Variants in VWA8 observed in about 807,000 individuals in gnomAD.
VWA8 encodes von Willebrand factor A domain containing 8.
VWA8 carries 221 observed loss-of-function variants against 241.5 expected under a neutral mutation model. The observed-to-expected ratio is 0.91, with a 90% CI of 0.82 to 1.02. The LOEUF (loss-of-function observed/expected upper bound fraction) is 1.02. VWA8 is among the 50% of genes least tolerant of loss of function. VWA8 has a pLI of 0.00. For synonymous variants in VWA8, 852 were observed against 827.1 expected (o/e 1.03, Z -0.52); for missense variants, 2,322 against 2,328.7 (o/e 1.00, Z 0.06).
chr13:41,848,909 G>C (rs1424227941), intron 12 of VWA8, among the ~76,000 whole-genome samples: 1 of 152,164 alleles, frequency 6.6e-6, no homozygotes, highest in Admixed American at 6.5e-5. Context: ...GGCTGGCTAA[G>C]GCTCCTCTTT....
intron 21 of VWA8, among the ~76,000 whole-genome samples, chr13:41,741,085 G>A (rs1421715735): frequency 2.0e-5 from 3 of 152,038 alleles, no homozygotes; most frequent in Non-Finnish European, 4.4e-5. Flanking sequence ...ACTATTTTAC[G>A]TACTTAACAC....
At chr13:41,649,149 A>C (rs770891260) in intron 37 of VWA8, among the ~76,000 whole-genome samples, 20 of 152,222 alleles carry the variant, frequency 1.3e-4, no homozygotes, top group Non-Finnish European at 2.5e-4. Context: ...GCGCCACTGC[A>C]GTCCAGCCTG....
At chr13:41,617,437 T>G (rs1476527093) in intron 37 of VWA8, among the ~76,000 whole-genome samples, 3 of 152,190 alleles carry the variant, frequency 2.0e-5, no homozygotes, top group Admixed American at 6.5e-5. Flanking sequence ...TTTTAAATAA[T>G]AAGAAGATAC....
At chr13:41,821,252 T>C (rs1448776167) in intron 14 of VWA8, among the ~76,000 whole-genome samples, 1 of 152,196 alleles carries the variant, frequency 6.6e-6, no homozygotes, top group Non-Finnish European at 1.5e-5. Context: ...GCAGCGTTCT[T>C]AAGTAAGCTG....
In VWA8 at chr13:41,663,874, TGTATA is replaced by T. The variant is rs1238778990; in HGVS notation, c.4611+7067_4611+7071del. On this transcript the variant is annotated intron_variant, in intron 37 of 44. Coordinates refer to ENST00000379310, the MANE Select transcript of VWA8 (RefSeq NM_015058.2). ...AACCGTCGTTAAGTCGGGGACTGTC[TGTATA>T]GTAATGATAATAAAGTGCTGAATAG... 2.0e-5 allele frequency among the ~76,000 whole-genome samples: 3 copies of T among 151,258 alleles called. No homozygotes were observed. The East Asian group carries it at 6.0e-4, about 30-fold the overall frequency.
intron 12 of VWA8, among the ~76,000 whole-genome samples, chr13:41,848,402 T>C (rs1872380874): frequency 6.6e-6 from 1 of 152,314 alleles, no homozygotes; most frequent in South Asian, 2.1e-4. Flanking sequence ...ATGGCTTGGC[T>C]GTGTCCCCAC....
At chr13:41,590,377 A>G (rs1456904733) in intron 41 of VWA8, among the ~76,000 whole-genome samples, 2 of 152,118 alleles carry the variant, frequency 1.3e-5, no homozygotes, top group African/African-American at 4.8e-5. Context: ...ATTTTTGTAA[A>G]TAGTCTTTGT....
At chr13:41,921,219 CT>C (rs1000224989) in intron 2 of VWA8, among the ~76,000 whole-genome samples, 9 of 152,128 alleles carry the variant, frequency 5.9e-5, no homozygotes, top group Non-Finnish European at 1.0e-4. Context: ...CAGAAAAGGC[CT>C]TCAACAAAAT....
rs535996630 is a variant in VWA8 at position 41,652,569 on chromosome 13, C to T, written c.4611+18377G>A. ...TTTTAGACCCTGTATTCATTGTTGC[C>T]TTTTGTGGAAGGACCTGAAGGATGA... On this transcript the variant is annotated intron_variant, in intron 37 of 44. Coordinates refer to ENST00000379310, the MANE Select transcript of VWA8 (RefSeq NM_015058.2). Among the ~76,000 whole-genome samples the T allele has an allele frequency of 3.3e-5, 5 of 152,032 alleles. No homozygotes were observed. The East Asian group carries it at 9.6e-4, about 29-fold the overall frequency.
At position 41,700,423 on chromosome 13, in the gene VWA8, GAT is replaced by G. The variant is rs1381038141; in HGVS notation, c.3364+967_3364+968del. On this transcript the variant is annotated intron_variant, in intron 28 of 44. Transcript: ENST00000379310. ...TTTTTAGGAGACAATGCAAACTGTAGATGTTAGTTTCAATTATCAGATAGAAC... is the reference window on the plus strand; with the variant it reads ...TTTTTAGGAGACAATGCAAACTGTAGGTTAGTTTCAATTATCAGATAGAAC... Among the ~76,000 whole-genome samples the G allele has an allele frequency of 2.6e-5, 4 of 152,108 alleles. No individual in the cohort carries two copies. The East Asian group carries it at 7.7e-4, about 29-fold the overall frequency.
chr13:41,903,609 G>A (rs1458324494), intron 4 of VWA8, among the ~76,000 whole-genome samples: 2 of 152,038 alleles, frequency 1.3e-5, no homozygotes, highest in African/African-American at 4.8e-5. Flanking sequence ...AAAGTACAAA[G>A]AGAAACTCAC....
At chr13:41,805,090 A>C (rs924520186) in intron 17 of VWA8, among the ~76,000 whole-genome samples, 22 of 152,212 alleles carry the variant, frequency 1.4e-4, no homozygotes, top group African/African-American at 5.3e-4. Flanking sequence ...AAATGGACTA[A>C]ACTTTCCAGT....
At chr13:41,913,780 T>TGAGA (rs1317946535) in intron 2 of VWA8, among the ~76,000 whole-genome samples, 1 of 152,248 alleles carries the variant, frequency 6.6e-6, no homozygotes, top group Non-Finnish European at 1.5e-5. Context: ...CCCATATGTC[T>TGAGA]GAGACTCATT....
intron 21 of VWA8, among the ~76,000 whole-genome samples, chr13:41,732,955 A>G (rs1683058991): frequency 2.0e-5 from 3 of 152,214 alleles, no homozygotes; most frequent in Non-Finnish European, 4.4e-5. Context: ...CTTCTATCTA[A>G]GATTATTTCC....
At chr13:41,888,900 A>G (rs892804777) in intron 5 of VWA8, among the ~76,000 whole-genome samples, 1 of 152,246 alleles carries the variant, frequency 6.6e-6, no homozygotes, top group Non-Finnish European at 1.5e-5. Context: ...AAACTATGTC[A>G]TATACACTAG....
At chr13:41,779,819 GTTC>G (rs1050443351) in intron 19 of VWA8, among the ~76,000 whole-genome samples, 2 of 152,126 alleles carry the variant, frequency 1.3e-5, no homozygotes, top group Non-Finnish European at 2.9e-5. Flanking sequence ...CTATATCTGT[GTTC>G]TTCTTTACAA....
At chr13:41,868,737 A>T (rs1453802164) in intron 9 of VWA8, among the ~76,000 whole-genome samples, 1 of 151,808 alleles carries the variant, frequency 6.6e-6, no homozygotes. Flanking sequence ...ATAGAAAAAA[A>T]ATTAGCTGGG....
At chr13:41,658,859 G>A (rs2044929240) in intron 37 of VWA8, among the ~76,000 whole-genome samples, 1 of 152,214 alleles carries the variant, frequency 6.6e-6, no homozygotes, top group Non-Finnish European at 1.5e-5. Context: ...TGGAAAGTGA[G>A]CAGTAATATT....
chr13:41,784,747 T>TACACACACACACACAC (rs1869101924), intron 18 of VWA8, among the ~76,000 whole-genome samples: 2 of 103,524 alleles, frequency 1.9e-5, no homozygotes, highest in African/African-American at 6.6e-5. Flanking sequence ...CATATATATA[T>TACACACACACACACAC]ATATATATAT....
Sources: allele counts gnomAD v4.1 joint callset (sites outside exome capture counted in the v4.1 genomes callset), GRCh38; gene constraint gnomAD v4.1.1; transcripts MANE v1.5; gene names NCBI Gene and HGNC (gene_info 2026-07-23, HGNC 2026-07-21).